ADAM28: variants seen among roughly 807,000 people sequenced by gnomAD.
ADAM28 encodes ADAM metallopeptidase domain 28, also known as disintegrin and metalloproteinase domain-containing protein 28.
A neutral mutation model predicts 101.2 loss-of-function variants in ADAM28; 105 were observed. The ratio of observed to expected loss-of-function variants is 1.04; its 90% CI spans 0.89 to 1.22. The LOEUF (loss-of-function observed/expected upper bound fraction) is 1.22. Ranked by LOEUF, ADAM28 falls within the 50% of genes most tolerant of loss-of-function variation. ADAM28 has a pLI of 0.00. For missense variants in ADAM28, 1,028 were observed against 945.4 expected, an observed-to-expected ratio of 1.09 and a Z score of -1.15; for synonymous variants, 322 against 310.6, an observed-to-expected ratio of 1.04 and a Z score of -0.39.
chr8:24,326,421 A>C (rs1812626308), intron 9 of ADAM28, 133 bp from the exon 10 acceptor site: 1 of 799,162 alleles, frequency 1.3e-6, no homozygotes, highest in South Asian at 2.3e-5. Context: ...CAAATTCAAA[A>C]ACTAAAGAAA....
chr8:24,302,029 A>G (rs1306311502), intron 2 of ADAM28, among the ~76,000 whole-genome samples: 5 of 152,140 alleles, frequency 3.3e-5, no homozygotes, highest in African/African-American at 4.8e-5. Context: ...TGCTGCACCT[A>G]TCAACCCATC....
At chr8:24,329,408 T>C (rs1813047451) in intron 10 of ADAM28, among the ~76,000 whole-genome samples, 1 of 152,194 alleles carries the variant, frequency 6.6e-6, no homozygotes, top group Non-Finnish European at 1.5e-5. Context: ...GGATAATTTA[T>C]AGCTGCAAGC....
intron 9 of ADAM28, among the ~76,000 whole-genome samples, chr8:24,325,387 A>G (rs1812404588): frequency 6.6e-6 from 1 of 151,994 alleles, no homozygotes; most frequent in Admixed American, 6.6e-5. Context: ...CAAGTTAACA[A>G]AAGAGACCTA....
intron 14 of ADAM28, among the ~76,000 whole-genome samples, chr8:24,336,408 C>A (rs1373259987): frequency 6.6e-6 from 1 of 150,948 alleles, no homozygotes; most frequent in Non-Finnish European, 1.5e-5. Context: ...ACGGTGAAAC[C>A]CCGTCTCTAC....
chr8:24,315,865 A>G (rs933119266), intron 6 of ADAM28, among the ~76,000 whole-genome samples: 2 of 152,004 alleles, frequency 1.3e-5, no homozygotes, highest in South Asian at 4.1e-4. Flanking sequence ...CAAATTGATC[A>G]ATGTAGTATA....
At chr8:24,327,779 A>C (rs1470603301) in intron 10 of ADAM28, among the ~76,000 whole-genome samples, 1 of 152,152 alleles carries the variant, frequency 6.6e-6, no homozygotes, top group Non-Finnish European at 1.5e-5. Flanking sequence ...AAAAACAAGC[A>C]ATGGGGAAAG....
chr8:24,329,882 TGTGTGAGA>T lies in ADAM28; in HGVS notation c.973-101_973-94del, dbSNP rs796446597. On this transcript the variant is annotated intron_variant, in intron 10 of 22. Coordinates refer to ENST00000265769, the MANE Select transcript of ADAM28 (RefSeq NM_014265.6). ...GTGTGTGTGTGTTTGTGTGTGTGTG[TGTGTGAGA>T]GAGAGAGAGAGAGAGAGAGAGAGAG... 572 of 946,362 alleles carry T rather than the reference TGTGTGAGA, an allele frequency of 6.0e-4. No homozygotes were observed. The African/African-American group carries it at 7.7e-3, about 13-fold the overall frequency. 58.6% of individuals were successfully genotyped at this position (946,362 alleles called of 1,614,324 possible).
chr8:24,324,039 G>A (rs1270450662), intron 9 of ADAM28, 36 bp downstream of exon 9: 1 of 1,594,446 alleles, frequency 6.3e-7, no homozygotes, highest in East Asian at 2.2e-5. Context: ...ACACTATGTG[G>A]TATTTAGTGG....
chr8:24,325,356 A>G (rs1426700356), intron 9 of ADAM28, among the ~76,000 whole-genome samples: 1 of 152,048 alleles, frequency 6.6e-6, no homozygotes, highest in Non-Finnish European at 1.5e-5. Context: ...TTATGCAATT[A>G]ATGTCTTACC....
Position 24,354,558 on chromosome 8 carries a change from A to G in ADAM28, c.*154A>G, listed in dbSNP as rs1405219904. 3.3e-5 allele frequency: 29 copies of G among 876,926 alleles called. No homozygotes were observed. Among genetic ancestry groups the G allele is most frequent in the Non-Finnish European group, 4.4e-5 (27 of 610,990 alleles). 54.3% of individuals were successfully genotyped at this position (876,926 alleles called of 1,614,324 possible). ...ATTCATGTTAGACTTTGAAGAGACTAAAGAAAATTTTCAAGAGGAACATAT... is the reference window on the plus strand; with the variant it reads ...ATTCATGTTAGACTTTGAAGAGACTGAAGAAAATTTTCAAGAGGAACATAT... On this transcript the variant is annotated 3_prime_UTR_variant, in exon 23 of 23. Transcript: ENST00000265769.
At chr8:24,329,639 G>C (rs1210268712) in intron 10 of ADAM28, among the ~76,000 whole-genome samples, 1 of 152,116 alleles carries the variant, frequency 6.6e-6, no homozygotes, top group Non-Finnish European at 1.5e-5. Context: ...ATGCATCATA[G>C]ACTTCTAAAA....
At chr8:24,299,865 A>AG (rs1808472500) in intron 1 of ADAM28, 109 bp from the exon 2 acceptor site, 3 of 744,998 alleles carry the variant, frequency 4.0e-6, no homozygotes, top group Non-Finnish European at 4.4e-6. Context: ...TCATCACTTC[A>AG]GGCTTCTGTG....
chr8:24,323,417 T>C (rs1321727444), intron 8 of ADAM28, among the ~76,000 whole-genome samples: 1 of 151,994 alleles, frequency 6.6e-6, no homozygotes, highest in Non-Finnish European at 1.5e-5. Context: ...ACTTCTTTCA[T>C]GCCTAAACCA....
At chr8:24,305,390 G>A (rs922011108) in intron 2 of ADAM28, among the ~76,000 whole-genome samples, 1 of 148,788 alleles carries the variant, frequency 6.7e-6, no homozygotes, top group Non-Finnish European at 1.5e-5. Context: ...GTGTTTCTAT[G>A]AGAGCAAGTG....
At chr8:24,300,429 T>C (rs1378496544) in intron 2 of ADAM28, among the ~76,000 whole-genome samples, 1 of 152,144 alleles carries the variant, frequency 6.6e-6, no homozygotes, top group African/African-American at 2.4e-5. Flanking sequence ...TTTTTGTTTT[T>C]TTTTCCAGAC....
At chr8:24,323,782 A>C (rs1812186985) in intron 8 of ADAM28, 52 bp from the exon 9 acceptor site, 1 of 1,505,256 alleles carries the variant, frequency 6.6e-7, no homozygotes, top group Non-Finnish European at 9.0e-7. Flanking sequence ...AAATGTTTAA[A>C]ATGATATCAC....
intron 18 of ADAM28, among the ~76,000 whole-genome samples, chr8:24,347,738 T>C (rs1815575715): frequency 6.6e-6 from 1 of 152,146 alleles, no homozygotes; most frequent in Non-Finnish European, 1.5e-5. Context: ...TCCAAATTAA[T>C]GAACAGTGTA....
At chr8:24,323,763 A>G in intron 8 of ADAM28, 71 bp from the exon 9 acceptor site, 1 of 1,430,664 alleles carries the variant, frequency 7.0e-7, no homozygotes, top group Admixed American at 2.2e-5. Context: ...AAAATACAAA[A>G]TATATTGAAA....
chr8:24,354,512 C>G lies in ADAM28; in HGVS notation c.*108C>G. The G allele has an allele frequency of 7.5e-7, 1 of 1,330,836 alleles. No individual in the cohort carries two copies. Among genetic ancestry groups the G allele is most frequent in the Non-Finnish European group, 1.0e-6 (1 of 980,302 alleles). 82.4% of individuals were successfully genotyped at this position (1,330,836 alleles called of 1,614,324 possible). A position where few individuals can be genotyped will look rare whatever the true frequency, so the allele number is the denominator to read the frequency against. ...ATCTCACCAGTATTTGCTCTCGACTCAAGAAGGTTAACATTTTCTGATTCA... is the reference window on the plus strand; with the variant it reads ...ATCTCACCAGTATTTGCTCTCGACTGAAGAAGGTTAACATTTTCTGATTCA... On this transcript the variant is annotated 3_prime_UTR_variant, in exon 23 of 23. Coordinates refer to ENST00000265769, the MANE Select transcript of ADAM28 (RefSeq NM_014265.6).
Sources: allele counts gnomAD v4.1 joint callset (sites outside exome capture counted in the v4.1 genomes callset), GRCh38; gene constraint gnomAD v4.1.1; transcripts MANE v1.5; gene names NCBI Gene and HGNC (gene_info 2026-07-23, HGNC 2026-07-21).